The following MAGI1 variants were observed in gnomAD, a reference collection of about 807,000 sequenced individuals.
The protein encoded by MAGI1 is membrane-associated guanylate kinase, WW and PDZ domain-containing protein 1.
Under a neutral mutation model 139.9 loss-of-function variants are expected in MAGI1, and 58 were observed. The ratio of observed to expected loss-of-function variants is 0.41; its 90% confidence interval spans 0.34 to 0.52. MAGI1 has a LOEUF of 0.52. Ranked by LOEUF, MAGI1 falls within the 20% of genes least tolerant of loss-of-function variation. The pLI is 0.12. For synonymous variants in MAGI1, 812 were observed against 737.9 expected (o/e 1.10, Z -1.63); for missense variants, 1,874 against 1,901.6 (o/e 0.99, Z 0.27).
intron 1 of MAGI1, among the ~76,000 whole-genome samples, chr3:65,927,986 T>C (rs556819920): frequency 1.2e-3 from 178 of 152,334 alleles, no homozygotes; most frequent in South Asian, 2.3e-3. Flanking sequence ...CTACTTAAAA[T>C]TGCAACCCAA....
At chr3:65,791,498 ATATT>A (rs1254644637) in intron 1 of MAGI1, among the ~76,000 whole-genome samples, 1 of 152,220 alleles carries the variant, frequency 6.6e-6, no homozygotes, top group Non-Finnish European at 1.5e-5. Context: ...ACAAATGAGA[ATATT>A]TATTATACTG....
intron 2 of MAGI1, among the ~76,000 whole-genome samples, chr3:65,592,569 G>A (rs939946939): frequency 3.3e-5 from 5 of 152,108 alleles, no homozygotes; most frequent in African/African-American, 1.2e-4. Context: ...TTGACTTACT[G>A]ACTGAACAGG....
intron 3 of MAGI1, among the ~76,000 whole-genome samples, chr3:65,491,834 C>T (rs189863362): frequency 6.6e-6 from 1 of 152,092 alleles, no homozygotes. Context: ...CAAAAACAAA[C>T]AAACAAAAAT....
chr3:65,560,433 C>T (rs960068699), intron 2 of MAGI1, among the ~76,000 whole-genome samples: 6 of 152,138 alleles, frequency 3.9e-5, no homozygotes, highest in South Asian at 2.1e-4. Context: ...TATGGACCCA[C>T]GAAAATTTAA....
intron 1 of MAGI1, among the ~76,000 whole-genome samples, chr3:65,748,003 C>T (rs538935781): frequency 2.2e-4 from 34 of 152,226 alleles, no homozygotes; most frequent in African/African-American, 7.9e-4. Context: ...GCTCTAAACA[C>T]AGTTTTTAAA....
At chr3:65,775,805 T>C (rs1343834087) in intron 1 of MAGI1, among the ~76,000 whole-genome samples, 1 of 151,950 alleles carries the variant, frequency 6.6e-6, no homozygotes. Flanking sequence ...TAGCTGGACA[T>C]GGTGGCACAT....
intron 1 of MAGI1, among the ~76,000 whole-genome samples, chr3:65,701,095 A>G (rs1471461582): frequency 1.3e-5 from 2 of 152,204 alleles, no homozygotes; most frequent in Non-Finnish European, 2.9e-5. Context: ...GTTTACCAAT[A>G]TTAATTGCTG....
intron 3 of MAGI1, among the ~76,000 whole-genome samples, chr3:65,487,163 G>C (rs904275455): frequency 6.6e-6 from 1 of 152,160 alleles, no homozygotes; most frequent in African/African-American, 2.4e-5. Flanking sequence ...TCAACCATCA[G>C]ATCTCACTTC....
At chr3:65,992,426 G>C (rs2066230485) in intron 1 of MAGI1, among the ~76,000 whole-genome samples, 1 of 149,250 alleles carries the variant, frequency 6.7e-6, no homozygotes. Flanking sequence ...ACTGAGTGCA[G>C]TTTGCATTGA....
chr3:65,994,921 TC>T (rs1187750944), intron 1 of MAGI1, among the ~76,000 whole-genome samples: 1 of 152,188 alleles, frequency 6.6e-6, no homozygotes, highest in Non-Finnish European at 1.5e-5. Flanking sequence ...CTTTCCTCTG[TC>T]CTCCACAAAG....
intron 1 of MAGI1, among the ~76,000 whole-genome samples, chr3:66,018,114 G>GGT (rs1553748564): frequency 1.7e-5 from 1 of 59,568 alleles, no homozygotes; most frequent in Non-Finnish European, 3.3e-5. Context: ...ACACTTTGGT[G>GGT]GGGGGGGGGG....
At chr3:65,742,688 G>T (rs571608916) in intron 1 of MAGI1, among the ~76,000 whole-genome samples, 1 of 152,192 alleles carries the variant, frequency 6.6e-6, no homozygotes, top group Non-Finnish European at 1.5e-5. Context: ...TACTTCATGC[G>T]CTCTCAACCT....
chr3:65,720,462 A>AC (rs1328927747), intron 1 of MAGI1, among the ~76,000 whole-genome samples: 1 of 151,634 alleles, frequency 6.6e-6, no homozygotes, highest in African/African-American at 2.4e-5. Context: ...TCCTAATTTA[A>AC]CCCCCTCAAA....
At chr3:65,848,344 T>C (rs1158216532) in intron 1 of MAGI1, among the ~76,000 whole-genome samples, 1 of 152,226 alleles carries the variant, frequency 6.6e-6, no homozygotes, top group Non-Finnish European at 1.5e-5. Flanking sequence ...ACGCTGGTTC[T>C]GAGCAGGCTT....
At chr3:65,880,575 C>T (rs963916573) in intron 1 of MAGI1, among the ~76,000 whole-genome samples, 4 of 152,192 alleles carry the variant, frequency 2.6e-5, no homozygotes, top group Non-Finnish European at 5.9e-5. Flanking sequence ...ATCTTTATGA[C>T]AGATGAGGTG....
At chr3:65,952,997 G>A (rs1274469959) in intron 1 of MAGI1, among the ~76,000 whole-genome samples, 1 of 152,110 alleles carries the variant, frequency 6.6e-6, no homozygotes, top group Non-Finnish European at 1.5e-5. Flanking sequence ...TATGAGTCAA[G>A]TACTATTATT....
chr3:65,354,883 CTTT>C lies in MAGI1; in HGVS notation c.*1492_*1494del, dbSNP rs559634584. On this transcript the variant is annotated 3_prime_UTR_variant, in exon 23 of 23. Coordinates refer to ENST00000402939, the MANE Select transcript of MAGI1 (RefSeq NM_001033057.2). The stretch of plus-strand genomic sequence containing the variant: ...GTACACGCAATGATTGGCTGGTTTT[CTTT>C]TTTTTTTTCTTTTTCCTTTTTTTTT... 7.0e-6 allele frequency: 1 copy of C among 142,352 alleles called. No homozygotes were observed. Among genetic ancestry groups the C allele is most frequent in the Non-Finnish European group, 1.5e-5 (1 of 64,550 alleles). 8.8% of individuals were successfully genotyped at this position (142,352 alleles called of 1,614,324 possible).
intron 1 of MAGI1, among the ~76,000 whole-genome samples, chr3:65,664,179 T>A (rs1449646665): frequency 2.0e-5 from 3 of 152,142 alleles, no homozygotes; most frequent in African/African-American, 7.2e-5. Context: ...TTTCACAGAA[T>A]GCTCATAACA....
intron 1 of MAGI1, among the ~76,000 whole-genome samples, chr3:65,880,908 C>CGT (rs11271375): frequency 0.027 from 3,909 of 145,656 alleles, 124 homozygotes; most frequent in African/African-American, 0.076. Flanking sequence ...ATATCTCTGG[C>CGT]GTGTGTGTGT....
Sources: allele counts gnomAD v4.1 joint callset (sites outside exome capture counted in the v4.1 genomes callset), GRCh38; gene constraint gnomAD v4.1.1; transcripts MANE v1.5; gene names NCBI Gene and HGNC (gene_info 2026-07-23, HGNC 2026-07-21).